ANKS1A: variants seen among roughly 807,000 people sequenced by gnomAD.
ANKS1A encodes the protein ankyrin repeat and SAM domain-containing protein 1A.
ANKS1A carries 55 observed loss-of-function variants against 120.3 expected under a neutral mutation model. The observed-to-expected ratio is 0.46, with a 90% confidence interval of 0.37 to 0.57. ANKS1A has a LOEUF of 0.57. Among genes scored for constraint, ANKS1A ranks in the 20% least tolerant of loss-of-function variants. ANKS1A has a pLI of 0.00. For synonymous variants in ANKS1A, 590 were observed against 604.7 expected, an observed-to-expected ratio of 0.98 and a Z score of 0.36; for missense variants, 1,123 against 1,480.3, an observed-to-expected ratio of 0.76 and a Z score of 3.96.
chr6:35,085,691 C>A lies in ANKS1A; in HGVS notation c.3133-75C>A. On this transcript the variant is annotated intron_variant, in intron 21 of 23. Coordinates refer to ENST00000360359, the MANE Select transcript of ANKS1A (RefSeq NM_015245.3). The surrounding 1 kb of genome is among the most constrained non-coding windows in gnomAD (Gnocchi z 4.7). Reference sequence around the variant, plus strand: ...TAGACTTAGAGGGGGACACATGGTCCCTGCGAGGAAGGGCATATCCAGTGT... The same window carrying A: ...TAGACTTAGAGGGGGACACATGGTCACTGCGAGGAAGGGCATATCCAGTGT... 6.9e-7 allele frequency: 1 copy of A among 1,458,216 alleles called. No homozygotes were observed. Among genetic ancestry groups the A allele is most frequent in the South Asian group, 1.4e-5 (1 of 70,364 alleles). The allele number at this position is 1,458,216 out of a possible 1,614,324, so 90.3% of individuals were successfully genotyped here. A position where few individuals can be genotyped will look rare whatever the true frequency, so the allele number is the denominator to read the frequency against.
chr6:35,089,443 G>T lies in ANKS1A; in HGVS notation c.*834G>T. ...GCCGGCGCCGTACTGCCTGCGTTGTGTCAGAGAATAGGAAAAGCAGCTTTG... is the reference window on the plus strand; with the variant it reads ...GCCGGCGCCGTACTGCCTGCGTTGTTTCAGAGAATAGGAAAAGCAGCTTTG... On this transcript the variant is annotated 3_prime_UTR_variant, in exon 24 of 24. Coordinates refer to ENST00000360359, the MANE Select transcript of ANKS1A (RefSeq NM_015245.3). 1.0e-6 allele frequency: 1 copy of T among 986,684 alleles called. No homozygotes were observed. The highest frequency in any genetic ancestry group is 1.2e-6 in the Non-Finnish European group (1 of 830,604). The allele number at this position is 986,684 out of a possible 1,614,324, so 61.1% of individuals were successfully genotyped here.
the ANKS1A span, among the ~76,000 whole-genome samples, chr6:35,097,580 C>A: frequency 6.8e-6 from 1 of 146,112 alleles, no homozygotes; most frequent in Non-Finnish European, 1.5e-5. Context: ...TATAAGGTTT[C>A]TCTGTCCAGC....
intron 1 of ANKS1A, among the ~76,000 whole-genome samples, chr6:34,904,553 G>T (rs948003998): frequency 6.6e-6 from 1 of 152,034 alleles, no homozygotes; most frequent in African/African-American, 2.4e-5. Context: ...CTAACATGGC[G>T]AAATCCCGTC....
Position 34,889,261 on chromosome 6 carries a change from G to T in ANKS1A, c.-142G>T. ...CGTGACGCCGGATCCCGGAAGTGAC[G>T]CGCTCGTGGGGAAAAGGCAGGGAGG... On this transcript the variant is annotated 5_prime_UTR_variant, in exon 1 of 24. Coordinates refer to ENST00000360359, the MANE Select transcript of ANKS1A (RefSeq NM_015245.3). This position sits in a 1 kb window ranked among gnomAD's most constrained non-coding sequence, Gnocchi z 5.5. 8.7e-7 allele frequency: 1 copy of T among 1,143,314 alleles called. No individual in the cohort carries two copies. The highest frequency in any genetic ancestry group is 1.1e-6 in the Non-Finnish European group (1 of 911,446). 70.8% of individuals were successfully genotyped at this position (1,143,314 alleles called of 1,614,324 possible).
At chr6:34,978,130 T>G (rs908897787) in intron 3 of ANKS1A, among the ~76,000 whole-genome samples, 1 of 152,060 alleles carries the variant, frequency 6.6e-6, no homozygotes, top group African/African-American at 2.4e-5. Context: ...AGCTAATTTT[T>G]GTATTTTTGG....
At chr6:35,077,547 G>A (rs538863220) in intron 13 of ANKS1A, among the ~76,000 whole-genome samples, 77 of 152,348 alleles carry the variant, frequency 5.1e-4, no homozygotes, top group African/African-American at 1.7e-3. Flanking sequence ...CTGCAACTGC[G>A]AGGGCCTCCA....
At chr6:35,043,037 T>G (rs539575731) in intron 11 of ANKS1A, among the ~76,000 whole-genome samples, 1 of 152,252 alleles carries the variant, frequency 6.6e-6, no homozygotes, top group African/African-American at 2.4e-5. Context: ...CTTGGAGGAT[T>G]CCCCCTGCTT....
chr6:35,096,630 A>G, the ANKS1A span, among the ~76,000 whole-genome samples: 1 of 152,224 alleles, frequency 6.6e-6, no homozygotes, highest in Non-Finnish European at 1.5e-5. Context: ...ACACTAGTGG[A>G]TGACTAATTA....
chr6:34,994,244 C>T (rs1488555445), intron 9 of ANKS1A, 58 bp from the exon 10 acceptor site: 3 of 1,582,564 alleles, frequency 1.9e-6, no homozygotes, highest in South Asian at 1.2e-5. Flanking sequence ...TTGTTCCAGA[C>T]TGCCTGTCTT....
At chr6:35,094,525 T>C (rs1778401284), downstream of ANKS1A, among the ~76,000 whole-genome samples, 1 of 150,442 alleles carries the variant, frequency 6.6e-6, no homozygotes, top group Non-Finnish European at 1.5e-5. Context: ...CATAAGAAAG[T>C]TTCAACAAAT....
At chr6:35,071,039 A>G in intron 13 of ANKS1A, 1 of 456,448 alleles carries the variant, frequency 2.2e-6, no homozygotes, top group South Asian at 2.0e-5. Flanking sequence ...AACCTTACTT[A>G]GGTTGATTTG....
At chr6:34,935,757 T>C (rs1285776231) in intron 1 of ANKS1A, among the ~76,000 whole-genome samples, 2 of 152,158 alleles carry the variant, frequency 1.3e-5, no homozygotes, top group African/African-American at 4.8e-5. Flanking sequence ...ACAAATTACT[T>C]ATTTAAAATA....
intron 10 of ANKS1A, chr6:35,005,776 G>A: frequency 2.2e-6 from 1 of 448,802 alleles, no homozygotes; most frequent in South Asian, 1.6e-5. Flanking sequence ...TTGTTGGCCG[G>A]GCATGGTGGC....
intron 10 of ANKS1A, among the ~76,000 whole-genome samples, chr6:35,000,279 T>C (rs1461862360): frequency 1.3e-5 from 2 of 151,386 alleles, no homozygotes; most frequent in African/African-American, 2.4e-5. Context: ...TCTATACCAA[T>C]TCTAAGTTAA....
At chr6:34,975,423 C>A (rs1771516613) in intron 3 of ANKS1A, among the ~76,000 whole-genome samples, 2 of 148,270 alleles carry the variant, frequency 1.3e-5, no homozygotes. Context: ...CACTGCACTC[C>A]AGCCTGGGCA....
chr6:35,022,362 G>A (rs1774387782), intron 11 of ANKS1A, among the ~76,000 whole-genome samples: 1 of 152,208 alleles, frequency 6.6e-6, no homozygotes, highest in Non-Finnish European at 1.5e-5. Flanking sequence ...AGATTTGGGA[G>A]TCATTTTCTC....
chr6:35,029,054 A>G (rs1360478146), intron 11 of ANKS1A, among the ~76,000 whole-genome samples: 1 of 151,956 alleles, frequency 6.6e-6, no homozygotes, highest in East Asian at 1.9e-4. Context: ...TGGTAATGTT[A>G]TCTTATCTTG....
At chr6:34,896,136 C>A (rs989482029) in intron 1 of ANKS1A, among the ~76,000 whole-genome samples, 4 of 150,550 alleles carry the variant, frequency 2.7e-5, no homozygotes, top group Non-Finnish European at 4.4e-5. Context: ...GTGGTGCAAT[C>A]TCAGCTCACT....
intron 1 of ANKS1A, among the ~76,000 whole-genome samples, chr6:34,901,352 T>C (rs1767341424): frequency 6.6e-6 from 1 of 152,220 alleles, no homozygotes; most frequent in African/African-American, 2.4e-5. Flanking sequence ...TGGTTGATGC[T>C]GTCTTGAAGC....
Sources: allele counts gnomAD v4.1 joint callset (sites outside exome capture counted in the v4.1 genomes callset), GRCh38; gene constraint gnomAD v4.1.1; non-coding constraint Gnocchi (gnomAD v3.1); transcripts MANE v1.5; gene names NCBI Gene and HGNC (gene_info 2026-07-23, HGNC 2026-07-21).